The following SUGP2 variants were observed in gnomAD, a reference collection of about 807,000 sequenced individuals.
SUGP2 encodes the protein SURP and G-patch domain-containing protein 2.
Under a neutral mutation model 90.5 loss-of-function variants are expected in SUGP2, and 24 were observed. The ratio of observed to expected loss-of-function variants is 0.27; its 90% CI spans 0.19 to 0.37. The LOEUF is 0.37. SUGP2 is among the 10% of genes least tolerant of loss of function. The probability of loss-of-function intolerance (pLI) is 1.00; values close to 1 mark genes in which losing one functional copy is unlikely to be tolerated. For missense variants in SUGP2, 1,233 were observed against 1,363.3 expected (o/e 0.90, Z 1.51); for synonymous variants, 473 against 513.4 (o/e 0.92, Z 1.06).
intron 2 of SUGP2, among the ~76,000 whole-genome samples, chr19:19,029,911 C>G (rs1186074953): frequency 1.3e-5 from 2 of 151,386 alleles, no homozygotes; most frequent in African/African-American, 4.9e-5. Flanking sequence ...TCACTGCACT[C>G]CAGCCTGGGC....
At position 19,025,664 on chromosome 19, in the gene SUGP2, C is replaced by A. The variant is rs774883717; in HGVS notation, c.684G>T (p.Lys228Asn). Reference protein sequence around the residue: ...IVDQEGSLLGKGETQGLLTAK... With the variant: ...IVDQEGSLLGNGETQGLLTAK... ...CTGTGAGCAGGCCCTGAGTCTCCCC[C>A]TTTCCTAGGAGGGAACCTTCCTGGT... is the stretch of plus-strand genomic sequence containing the variant. Residue 228 changes from lysine (K) to asparagine (N), a missense_variant, in exon 3 of 11, where the codon AAG becomes AAT. Physicochemically the swap from Lys to Asn is moderately conservative, Grantham distance 94 (BLOSUM62 0). Around this residue, in one of 8 missense-constraint regions of SUGP2, gnomAD observed 418 missense variants for 399.9 expected, o/e 1.05. Coordinates refer to ENST00000452918, the MANE Select transcript of SUGP2 (RefSeq NM_001017392.5). 1 of 1,614,054 alleles carries A rather than the reference C, an allele frequency of 6.2e-7. No individual in the cohort carries two copies. The highest frequency in any genetic ancestry group is 8.5e-7 in the Non-Finnish European group (1 of 1,179,998).
Position 19,015,689 on chromosome 19 carries a change from G to C in SUGP2, c.1850+3420C>G, listed in dbSNP as rs12461432. ...CAGCTAATTTTTTGTATTTTTATTA[G>C]AGACACGGTTTCACTATGTTGGCCA... is the stretch of plus-strand genomic sequence containing the variant. On this transcript the variant is annotated intron_variant, in intron 4 of 10. Coordinates refer to ENST00000452918, the MANE Select transcript of SUGP2 (RefSeq NM_001017392.5). 1.5e-3 allele frequency among the ~76,000 whole-genome samples: 224 copies of C among 152,238 alleles called. 4 individuals are homozygous for C. Among genetic ancestry groups the C allele is most frequent in the Admixed American group, 0.014 (207 of 15,286 alleles).
intron 4 of SUGP2, among the ~76,000 whole-genome samples, chr19:19,016,266 C>T (rs547665729): frequency 5.9e-5 from 9 of 152,238 alleles, no homozygotes; most frequent in Non-Finnish European, 1.2e-4. Context: ...CTCCTGATCT[C>T]GTGATCCACC....
intron 2 of SUGP2, among the ~76,000 whole-genome samples, chr19:19,026,665 T>C (rs1461004237): frequency 1.3e-5 from 2 of 152,198 alleles, no homozygotes; most frequent in Non-Finnish European, 2.9e-5. Context: ...CTGGAGCACT[T>C]CTGTGTTTCT....
intron 4 of SUGP2, among the ~76,000 whole-genome samples, chr19:19,015,127 G>A (rs1033319769): frequency 4.6e-5 from 7 of 151,934 alleles, no homozygotes; most frequent in South Asian, 4.2e-4. Flanking sequence ...GTGTGAACCC[G>A]GGAGGCAGAG....
intron 2 of SUGP2, among the ~76,000 whole-genome samples, chr19:19,027,520 T>C (rs906093678): frequency 1.3e-5 from 2 of 152,110 alleles, no homozygotes; most frequent in Non-Finnish European, 2.9e-5. Flanking sequence ...TAAACAAAAA[T>C]ATATCAGATG....
chr19:19,031,065 C>T lies in SUGP2; in HGVS notation c.7G>A (p.Ala3Thr), dbSNP rs1312746593. Reference sequence around the variant, plus strand: ...AAAGTCTCCTGTGTAATTCGTCTGGCTGCCATGTTATTTTGCCCTATGGTG... The same window carrying T: ...AAAGTCTCCTGTGTAATTCGTCTGGTTGCCATGTTATTTTGCCCTATGGTG... MA[A>T]RRITQETFDA... Residue 3 changes from alanine to threonine, a missense_variant, in exon 2 of 11, where the codon GCC (alanine) becomes ACC (threonine). Physicochemically the swap from Ala to Thr is moderately conservative, Grantham distance 58. Coordinates refer to ENST00000452918, the MANE Select transcript of SUGP2 (RefSeq NM_001017392.5). 2 of 1,611,844 alleles carry T rather than the reference C, an allele frequency of 1.2e-6. No individual in the cohort carries two copies. The highest frequency in any genetic ancestry group is 3.4e-5 in the Admixed American group (2 of 59,290).
At chr19:19,013,020 C>T (rs2058362446) in intron 4 of SUGP2, among the ~76,000 whole-genome samples, 1 of 152,174 alleles carries the variant, frequency 6.6e-6, no homozygotes, top group Admixed American at 6.5e-5. Context: ...CCCGCCACCA[C>T]ACCCAGCTAA....
At chr19:19,017,365 T>C (rs780384755) in intron 4 of SUGP2, among the ~76,000 whole-genome samples, 184 of 152,218 alleles carry the variant, frequency 1.2e-3, no homozygotes, top group South Asian at 2.5e-3. Flanking sequence ...GGGTTGTTAC[T>C]AGTGAGACAG....
In SUGP2 at chr19:19,025,223, T is replaced by C; in HGVS notation, c.1125A>G (p.Pro375=). Residue 375 remains proline, a synonymous_variant, in exon 3 of 11, where the codon CCA becomes CCG. Transcript: ENST00000452918. ...MLASFKCSLK[P]EHRDFCFFTI... ...TAAAAAAGCAAAAATCTCTGTGCTC[T>C]GGTTTTAAGGAACATTTGAATGAGG... The C allele has an allele frequency of 1.2e-6, 2 of 1,613,164 alleles. No individual in the cohort carries two copies. The highest frequency in any genetic ancestry group is 2.7e-5 in the African/African-American group (2 of 75,048).
intron 8 of SUGP2, among the ~76,000 whole-genome samples, chr19:18,998,540 CT>C (rs1439588396): frequency 6.6e-6 from 1 of 152,170 alleles, no homozygotes; most frequent in Non-Finnish European, 1.5e-5. Context: ...CCTTTGTTCT[CT>C]TCAGAGGCAT....
At chr19:19,000,194 G>T (rs981679173) in intron 8 of SUGP2, among the ~76,000 whole-genome samples, 2 of 152,110 alleles carry the variant, frequency 1.3e-5, no homozygotes, top group African/African-American at 2.4e-5. Context: ...GCCTCTTGCT[G>T]CCCCAGCCTC....
intron 2 of SUGP2, among the ~76,000 whole-genome samples, chr19:19,030,475 T>C (rs1275272130): frequency 6.6e-6 from 1 of 151,892 alleles, no homozygotes; most frequent in Non-Finnish European, 1.5e-5. Flanking sequence ...GATCCCTCCA[T>C]TGCCCTCCAG....
At chr19:19,012,308 C>T (rs1775415155) in intron 4 of SUGP2, among the ~76,000 whole-genome samples, 1 of 152,202 alleles carries the variant, frequency 6.6e-6, no homozygotes, top group African/African-American at 2.4e-5. Flanking sequence ...AACACAGCCC[C>T]AGCAAGGCAA....
At chr19:19,026,760 C>T (rs943022455) in intron 2 of SUGP2, among the ~76,000 whole-genome samples, 5 of 152,174 alleles carry the variant, frequency 3.3e-5, no homozygotes, top group African/African-American at 4.8e-5. Context: ...ACAGTGCCAC[C>T]GTGAGGCTAG....
intron 2 of SUGP2, among the ~76,000 whole-genome samples, chr19:19,029,063 C>T (rs766148838): frequency 1.3e-5 from 2 of 152,150 alleles, no homozygotes; most frequent in African/African-American, 2.4e-5. Flanking sequence ...ACTGCAGCCT[C>T]GACTTCCTGG....
At chr19:19,019,835 TAA>T (rs113866266) in intron 3 of SUGP2, among the ~76,000 whole-genome samples, 1 of 111,960 alleles carries the variant, frequency 8.9e-6, no homozygotes. Flanking sequence ...TTTCTCCAAT[TAA>T]AAAAAAAAAA....
intron 6 of SUGP2, 95 bp from the exon 7 acceptor site, chr19:19,004,741 G>A (rs763712871): frequency 4.1e-5 from 42 of 1,033,502 alleles, no homozygotes; most frequent in Non-Finnish European, 5.7e-5. Context: ...GAAGGTGGAG[G>A]TGGGACAAGG....
At chr19:19,001,079 G>A (rs1002955943) in intron 8 of SUGP2, among the ~76,000 whole-genome samples, 2 of 150,400 alleles carry the variant, frequency 1.3e-5, no homozygotes, top group African/African-American at 2.5e-5. Flanking sequence ...GCAGTGGCGC[G>A]ATCTCGGCTC....
Sources: allele counts gnomAD v4.1 joint callset (sites outside exome capture counted in the v4.1 genomes callset), GRCh38; gene constraint gnomAD v4.1.1; regional missense constraint gnomAD v4.1.1; transcripts MANE v1.5; gene names NCBI Gene and HGNC (gene_info 2026-07-23, HGNC 2026-07-21).